COLQ: variants seen among roughly 807,000 people sequenced by gnomAD.
COLQ encodes acetylcholinesterase collagenic tail peptide.
Under a neutral mutation model 69.0 loss-of-function variants are expected in COLQ, and 48 were observed. The ratio of observed to expected loss-of-function variants is 0.70; its 90% confidence interval spans 0.55 to 0.88. The LOEUF (loss-of-function observed/expected upper bound fraction) is 0.88, where lower values mean the gene tolerates loss of function less well. Ranked by LOEUF, COLQ falls within the 40% of genes least tolerant of loss-of-function variation. The pLI is 0.00. For synonymous variants in COLQ, 217 were observed against 211.2 expected (o/e 1.03, Z -0.24); for missense variants, 618 against 594.6 (o/e 1.04, Z -0.41).
intron 1 of COLQ, chr3:15,498,387 GA>G (rs562590909): frequency 4.1e-5 from 42 of 1,016,388 alleles, no homozygotes; most frequent in Non-Finnish European, 5.3e-5. Flanking sequence ...AACTTAAAAA[GA>G]AAAAAAATTT....
rs372348859 is a variant in COLQ at position 15,489,504 on chromosome 3, C to T, written c.219+21G>A. On this transcript the variant is annotated intron_variant, in intron 2 of 16. Coordinates refer to ENST00000383788, the MANE Select transcript of COLQ (RefSeq NM_005677.4). ...GAGTAGCCTGCACTTTTTTTCCTCT[C>T]ATAAATCCCAAAGTACTCACCGGAC... 5.5e-5 allele frequency: 89 copies of T among 1,612,718 alleles called. 1 individual carries two copies. The African/African-American group carries it at 7.6e-4, about 14-fold the overall frequency.
At chr3:15,503,423 G>T (rs571703533) in intron 1 of COLQ, among the ~76,000 whole-genome samples, 58 of 152,316 alleles carry the variant, frequency 3.8e-4, no homozygotes, top group African/African-American at 1.1e-3. Context: ...CTGGGGGACA[G>T]TGGAGCCACG....
At chr3:15,472,847 TTTC>T (rs923515547) in intron 10 of COLQ, among the ~76,000 whole-genome samples, 74 of 152,210 alleles carry the variant, frequency 4.9e-4, no homozygotes, top group African/African-American at 1.7e-3. Flanking sequence ...TCTTCACTTC[TTTC>T]TTCTTTTCTT....
chr3:15,478,245 C>T (rs2062415620), intron 5 of COLQ, among the ~76,000 whole-genome samples: 1 of 152,182 alleles, frequency 6.6e-6, no homozygotes, highest in Non-Finnish European at 1.5e-5. Flanking sequence ...TTCATCTGTG[C>T]CCTAAAGAGT....
chr3:15,477,409 A>G, intron 5 of COLQ: 1 of 565,774 alleles, frequency 1.8e-6, no homozygotes, highest in Non-Finnish European at 3.2e-6. Flanking sequence ...CAAGAAATGG[A>G]GGGTGGTGAG....
chr3:15,452,287 G>C (rs114956601), intron 16 of COLQ, among the ~76,000 whole-genome samples: 4 of 152,060 alleles, frequency 2.6e-5, no homozygotes, highest in African/African-American at 9.7e-5. Flanking sequence ...GGGTGGTGCC[G>C]AACTCTGAAC....
intron 1 of COLQ, among the ~76,000 whole-genome samples, chr3:15,504,327 G>C (rs891821179): frequency 6.6e-6 from 1 of 152,188 alleles, no homozygotes; most frequent in African/African-American, 2.4e-5. Context: ...CTTGAGGCTG[G>C]AAGGCCAAAA....
chr3:15,478,845 C>G (rs781281294), intron 5 of COLQ, 132 bp downstream of exon 5: 126 of 1,070,846 alleles, frequency 1.2e-4, no homozygotes, highest in Non-Finnish European at 1.7e-4. Flanking sequence ...ATCGAGACAG[C>G]AGCACCATCA....
chr3:15,471,939 T>C (rs930061561), intron 10 of COLQ, among the ~76,000 whole-genome samples: 2 of 151,498 alleles, frequency 1.3e-5, no homozygotes, highest in Admixed American at 1.3e-4. Context: ...GATGTCTTTA[T>C]GGCTGGGAGA....
chr3:15,456,719 C>T (rs2062031327), intron 13 of COLQ, 140 bp from the exon 14 acceptor site: 2 of 1,112,072 alleles, frequency 1.8e-6, no homozygotes, highest in Non-Finnish European at 1.3e-6. Context: ...CTCTAGCATT[C>T]CTTCTGAAGT....
intron 11 of COLQ, among the ~76,000 whole-genome samples, chr3:15,467,241 T>C (rs948833400): frequency 1.3e-5 from 2 of 152,240 alleles, no homozygotes; most frequent in Admixed American, 6.5e-5. Flanking sequence ...GCTTTGCTGA[T>C]CTGTAAATCC....
intron 5 of COLQ, 136 bp downstream of exon 5, chr3:15,478,841 A>G (rs2062425977): frequency 7.6e-6 from 8 of 1,046,008 alleles, no homozygotes; most frequent in Non-Finnish European, 1.2e-5. Context: ...CACCATCGAG[A>G]CAGCAGCACC....
chr3:15,469,683 T>A (rs984271033), intron 11 of COLQ, among the ~76,000 whole-genome samples: 1 of 152,142 alleles, frequency 6.6e-6, no homozygotes, highest in Non-Finnish European at 1.5e-5. Flanking sequence ...ACCAAACCCA[T>A]GCTGAAAGCT....
chr3:15,460,378 G>A (rs1010909880), intron 12 of COLQ, among the ~76,000 whole-genome samples: 3 of 152,106 alleles, frequency 2.0e-5, no homozygotes, highest in African/African-American at 7.2e-5. Context: ...TGAGGAAAGA[G>A]AAAAAAAGAT....
intron 1 of COLQ, among the ~76,000 whole-genome samples, chr3:15,514,758 G>A (rs555584085): frequency 9.9e-5 from 15 of 152,194 alleles, no homozygotes; most frequent in Non-Finnish European, 1.8e-4. Context: ...TGCCCAGAGG[G>A]GGCTAGAGAG....
At chr3:15,515,196 C>T (rs1236120471) in intron 1 of COLQ, among the ~76,000 whole-genome samples, 4 of 152,182 alleles carry the variant, frequency 2.6e-5, no homozygotes, top group Non-Finnish European at 5.9e-5. Context: ...TGCTGCATAT[C>T]CCCAGGCATA....
chr3:15,485,194 G>C (rs893492531), intron 3 of COLQ, among the ~76,000 whole-genome samples: 2 of 152,226 alleles, frequency 1.3e-5, no homozygotes, highest in African/African-American at 4.8e-5. Flanking sequence ...GGTATCACCA[G>C]TGGAGGCTGC....
intron 11 of COLQ, among the ~76,000 whole-genome samples, chr3:15,469,537 A>G (rs3821638): frequency 0.53 from 80,389 of 152,018 alleles, 21,845 homozygotes; most frequent in African/African-American, 0.63. Context: ...AAGTTACTGC[A>G]CAGTCTAAAT....
In COLQ at chr3:15,492,666, C is replaced by CA. The variant is rs72252382; in HGVS notation, c.107-3030dup. 4.0e-3 allele frequency among the ~76,000 whole-genome samples: 519 copies of CA among 130,678 alleles called. 1 individual carries two copies. The highest frequency in any genetic ancestry group is 5.5e-3 in the African/African-American group (206 of 37,548). The allele number at this position is 130,678 out of a possible 152,430, so 85.7% of individuals were successfully genotyped here. The stretch of plus-strand genomic sequence containing the variant: ...TGAGCGACAGAGCGAGACTCCGTCT[C>CA]AAAAAAAAAAAAAATGCTGTGTAAA... On this transcript the variant is annotated intron_variant, in intron 1 of 16. Coordinates refer to ENST00000383788, the MANE Select transcript of COLQ (RefSeq NM_005677.4).
Sources: gnomAD v4.1 joint callset for allele counts (sites outside exome capture counted in the v4.1 genomes callset) on GRCh38, gnomAD v4.1.1 for gene constraint, MANE v1.5 for transcripts, NCBI Gene and HGNC (gene_info 2026-07-23, HGNC 2026-07-21) for gene names.